Variants in PRMT9 observed in about 807,000 individuals in gnomAD.
The protein encoded by PRMT9 is protein arginine N-methyltransferase 9.
In PRMT9, 59 loss-of-function variants were observed where a neutral mutation model predicts 83.2. The ratio of observed to expected loss-of-function variants is 0.71; its 90% CI spans 0.57 to 0.88. The LOEUF is 0.88. Ranked by LOEUF, PRMT9 falls within the 40% of genes least tolerant of loss-of-function variation. PRMT9 has a pLI of 0.00. For missense variants in PRMT9, 947 were observed against 1,021.9 expected, an observed-to-expected ratio of 0.93 and a Z score of 1.00; for synonymous variants, 333 against 353.2, an observed-to-expected ratio of 0.94 and a Z score of 0.64.
At position 147,639,100 on chromosome 4, in the gene PRMT9, T is replaced by G; in HGVS notation, c.2200-18A>C. On this transcript the variant is annotated intron_variant, in intron 10 of 11. Coordinates refer to ENST00000322396, the MANE Select transcript of PRMT9 (RefSeq NM_138364.4). The stretch of plus-strand genomic sequence containing the variant: ...ATAGGTACCTAGAGAAAGTATAAAT[T>G]TTTCACTTTCACTTTTTCTTTTTGT... 1.2e-6 allele frequency: 2 copies of G among 1,612,772 alleles called. No individual in the cohort carries two copies. Among genetic ancestry groups the G allele is most frequent in the Non-Finnish European group, 1.7e-6 (2 of 1,179,150 alleles).
intron 4 of PRMT9, among the ~76,000 whole-genome samples, chr4:147,671,219 C>A (rs1735708868): frequency 6.6e-6 from 1 of 152,142 alleles, no homozygotes. Flanking sequence ...CCAAATAACA[C>A]TGATTGCAGG....
intron 9 of PRMT9, among the ~76,000 whole-genome samples, chr4:147,652,711 T>TAA (rs1179001534): frequency 1.5e-5 from 1 of 68,214 alleles, no homozygotes; most frequent in African/African-American, 5.0e-5. Flanking sequence ...ACCCCGTGTC[T>TAA]AAAAAAAAAA....
In PRMT9 at chr4:147,638,652, G is replaced by T; in HGVS notation, c.2418C>A (p.Ala806=). The T allele has an allele frequency of 6.2e-7, 1 of 1,613,006 alleles. No homozygotes were observed. Among genetic ancestry groups the T allele is most frequent in the Non-Finnish European group, 8.5e-7 (1 of 1,179,056 alleles). The change falls in exon 12 of 12, where the codon GCC becomes GCA. Residue 806 remains alanine, a synonymous_variant. Coordinates refer to ENST00000322396, the MANE Select transcript of PRMT9 (RefSeq NM_138364.4). ...EEIRLDTSSE[A]SHWKQAAVVL... ...CAACTGCAGCTTGTTTCCAGTGGGA[G>T]GCTTCACTTGAAGTATCCAACCTAA...
chr4:147,658,656 G>A (rs978705400), intron 7 of PRMT9, among the ~76,000 whole-genome samples: 4 of 152,324 alleles, frequency 2.6e-5, no homozygotes, highest in African/African-American at 4.8e-5. Flanking sequence ...CGTGTTACTT[G>A]CTATTGAAAG....
intron 6 of PRMT9, 148 bp downstream of exon 6, chr4:147,668,391 T>A: frequency 1.5e-6 from 1 of 656,716 alleles, no homozygotes; most frequent in Non-Finnish European, 2.7e-6. Context: ...ATATAAGACG[T>A]GCCTGCTTCC....
chr4:147,658,063 C>T, intron 7 of PRMT9, 88 bp from the exon 8 acceptor site: 1 of 910,176 alleles, frequency 1.1e-6, no homozygotes. Context: ...CTCTGGAGTT[C>T]TTAGTCCTGC....
Position 147,684,142 on chromosome 4 carries a change from G to A in PRMT9, c.-155C>T. 1.1e-6 allele frequency: 1 copy of A among 886,834 alleles called. No homozygotes were observed. The highest frequency in any genetic ancestry group is 1.8e-6 in the Non-Finnish European group (1 of 566,654). 54.9% of individuals were successfully genotyped at this position (886,834 alleles called of 1,614,324 possible). On this transcript the variant is annotated 5_prime_UTR_variant, in exon 1 of 12. Transcript: ENST00000322396. The stretch of plus-strand genomic sequence containing the variant: ...GGGTGAACTCGCCAACCCCAGCCCA[G>A]GCGGAAGCTCCGCCCCGTCCTGGCC...
intron 6 of PRMT9, among the ~76,000 whole-genome samples, chr4:147,664,025 T>A (rs1193292502): frequency 6.6e-6 from 1 of 152,150 alleles, no homozygotes; most frequent in African/African-American, 2.4e-5. Context: ...CAAAAATCAA[T>A]AATGCAGGCA....
chr4:147,677,858 T>G (rs186474640), intron 2 of PRMT9, among the ~76,000 whole-genome samples: 7 of 152,280 alleles, frequency 4.6e-5, no homozygotes, highest in Admixed American at 3.9e-4. Flanking sequence ...GTAATAAATA[T>G]TCATACAACT....
At chr4:147,678,497 T>C (rs553662877) in intron 2 of PRMT9, among the ~76,000 whole-genome samples, 14 of 152,204 alleles carry the variant, frequency 9.2e-5, no homozygotes, top group East Asian at 1.9e-4. Context: ...AGAGTTAACA[T>C]AGCAGGCCTG....
intron 1 of PRMT9, among the ~76,000 whole-genome samples, chr4:147,682,869 A>C (rs1736586842): frequency 6.6e-6 from 1 of 152,206 alleles, no homozygotes; most frequent in South Asian, 2.1e-4. Flanking sequence ...GGTAGAGATC[A>C]AGGATGCTGC....
Position 147,655,983 on chromosome 4 carries a change from C to A in PRMT9, c.1331-1417G>T, listed in dbSNP as rs1027434441. On this transcript the variant is annotated intron_variant, in intron 8 of 11. Coordinates refer to ENST00000322396, the MANE Select transcript of PRMT9 (RefSeq NM_138364.4). The stretch of plus-strand genomic sequence containing the variant: ...TTCACTGAGTGCCAGTCACTGTGGT[C>A]GGCATTTTATACCCACTATCTCTAA... Among the ~76,000 whole-genome samples, 7 of 152,240 alleles carry A rather than the reference C, an allele frequency of 4.6e-5. No individual in the cohort carries two copies. The South Asian group carries it at 1.5e-3, about 32-fold the overall frequency.
At chr4:147,676,680 G>C (rs1386085600) in intron 2 of PRMT9, among the ~76,000 whole-genome samples, 1 of 152,158 alleles carries the variant, frequency 6.6e-6, no homozygotes, top group African/African-American at 2.4e-5. Context: ...ATGCCTTGCA[G>C]TTACATTACT....
chr4:147,658,024 A>G, intron 7 of PRMT9, 49 bp from the exon 8 acceptor site: 2 of 1,259,088 alleles, frequency 1.6e-6, no homozygotes, highest in East Asian at 4.9e-5. Context: ...TTTCATATAT[A>G]CTTGCCTCAG....
chr4:147,682,854 T>C (rs781206763), intron 1 of PRMT9, among the ~76,000 whole-genome samples: 6 of 152,158 alleles, frequency 3.9e-5, no homozygotes, highest in African/African-American at 7.2e-5. Context: ...TACTGACATT[T>C]AGTGGGTAGA....
intron 10 of PRMT9, among the ~76,000 whole-genome samples, chr4:147,640,940 TG>T (rs961777160): frequency 2.0e-5 from 3 of 152,114 alleles, no homozygotes; most frequent in Admixed American, 6.5e-5. Flanking sequence ...CTTGAACTCC[TG>T]GGCCCAAGCA....
chr4:147,668,585 T>C lies in PRMT9; in HGVS notation c.907A>G (p.Ile303Val), dbSNP rs1209101756. The change falls in exon 6 of 12, where the codon ATA becomes GTA. Residue 303 changes from isoleucine (I) to valine (V), a missense_variant. By Grantham distance (29) the Ile-to-Val change is conservative. Coordinates refer to ENST00000322396, the MANE Select transcript of PRMT9 (RefSeq NM_138364.4). ...GCACATTCTACTGCCATCCCAAATATAACAGCACTTGCTGGTATAACTTTC... is the reference window on the plus strand; with the variant it reads ...GCACATTCTACTGCCATCCCAAATACAACAGCACTTGCTGGTATAACTTTC... ...YGKVIPASAVIFGMAVECAEI... is the reference protein window; with the variant it reads ...YGKVIPASAVVFGMAVECAEI... The C allele has an allele frequency of 8.1e-6, 13 of 1,612,552 alleles. No homozygotes were observed. The South Asian group carries it at 1.1e-4, about 14-fold the overall frequency.
At chr4:147,650,974 C>T (rs1321986581) in intron 9 of PRMT9, among the ~76,000 whole-genome samples, 5 of 152,042 alleles carry the variant, frequency 3.3e-5, no homozygotes, top group African/African-American at 4.8e-5. Flanking sequence ...TGGTGGCATG[C>T]GCCTGTAGTC....
Position 147,673,840 on chromosome 4 carries a change from G to A in PRMT9, c.373C>T (p.His125Tyr), listed in dbSNP as rs2126632830. Reference protein sequence around the residue: ...GFRDEAAGYFHKAVKLNPDFS... With the variant: ...GFRDEAAGYFYKAVKLNPDFS... Reference sequence around the variant, plus strand: ...TCAGGGTTTAGCTTCACTGCTTTATGAAAATACCCAGCTGCTTCATCCCTA... The same window carrying A: ...TCAGGGTTTAGCTTCACTGCTTTATAAAAATACCCAGCTGCTTCATCCCTA... The change falls in exon 3 of 12, where the codon CAT becomes TAT. Residue 125 changes from histidine (H) to tyrosine (Y), a missense_variant. By Grantham distance (83) the His-to-Tyr change is moderately conservative. Transcript: ENST00000322396. 3 of 1,614,054 alleles carry A rather than the reference G, an allele frequency of 1.9e-6. No individual in the cohort carries two copies. The highest frequency in any genetic ancestry group is 2.5e-6 in the Non-Finnish European group (3 of 1,179,966).
Sources: gnomAD v4.1 joint callset for allele counts (sites outside exome capture counted in the v4.1 genomes callset) on GRCh38, gnomAD v4.1.1 for gene constraint, MANE v1.5 for transcripts, NCBI Gene and HGNC (gene_info 2026-07-23, HGNC 2026-07-21) for gene names.